The following FAM227B variants were observed in gnomAD, a reference collection of about 807,000 sequenced individuals.
FAM227B encodes the protein protein FAM227B.
A neutral mutation model predicts 73.8 loss-of-function variants in FAM227B; 88 were observed. The ratio of observed to expected loss-of-function variants is 1.19; its 90% confidence interval spans 1.00 to 1.42. The LOEUF is 1.42. FAM227B is among the 40% of genes most tolerant of loss of function. FAM227B has a pLI of 0.00. For synonymous variants in FAM227B, 210 were observed against 190.5 expected, an observed-to-expected ratio of 1.10 and a Z score of -0.84; for missense variants, 632 against 590.9, an observed-to-expected ratio of 1.07 and a Z score of -0.72.
intron 11 of FAM227B, among the ~76,000 whole-genome samples, chr15:49,383,882 T>C (rs1380841327): frequency 2.0e-5 from 3 of 152,176 alleles, no homozygotes; most frequent in Admixed American, 2.0e-4. Flanking sequence ...TGATGGGCCA[T>C]AGTTTTCTCT....
intron 9 of FAM227B, among the ~76,000 whole-genome samples, chr15:49,545,136 T>G (rs905632117): frequency 7.3e-6 from 1 of 136,678 alleles, no homozygotes; most frequent in Non-Finnish European, 1.6e-5. Flanking sequence ...ATCCTCAAAC[T>G]TTTTTTTGGC....
In FAM227B at chr15:49,367,471, T is replaced by C. The variant is rs201015191; in HGVS notation, c.1248A>G (p.Lys416=). The change falls in exon 13 of 16, where the codon AAA becomes AAG. Residue 416 remains lysine (K), a synonymous_variant. Transcript: ENST00000299338. ...ATGGTTCCTGGAATATCTTAGTGAG[T>C]TTAATCTTGGTTTTCTTAGGTGCTT... ...ISKAPKKTKI[K]LTKIFQEPLP... The C allele has an allele frequency of 1.6e-5, 26 of 1,594,204 alleles. No individual in the cohort carries two copies. The East Asian group carries it at 5.2e-4, about 32-fold the overall frequency.
intron 11 of FAM227B, among the ~76,000 whole-genome samples, chr15:49,507,899 T>G (rs886222168): frequency 6.6e-6 from 1 of 151,780 alleles, no homozygotes; most frequent in African/African-American, 2.4e-5. Context: ...ATAATTTAAA[T>G]GAACAAAATA....
intron 11 of FAM227B, among the ~76,000 whole-genome samples, chr15:49,456,560 C>A (rs1026900716): frequency 6.6e-6 from 1 of 152,042 alleles, no homozygotes; most frequent in Non-Finnish European, 1.5e-5. Flanking sequence ...TAAGACTATT[C>A]AAGAATTACT....
chr15:49,565,743 G>T (rs901005007), intron 9 of FAM227B, among the ~76,000 whole-genome samples: 1 of 152,010 alleles, frequency 6.6e-6, no homozygotes, highest in Non-Finnish European at 1.5e-5. Context: ...AAAGATCTTC[G>T]GTGGGGGTTA....
At chr15:49,575,496 T>C (rs756085294) in intron 7 of FAM227B, among the ~76,000 whole-genome samples, 5 of 152,238 alleles carry the variant, frequency 3.3e-5, no homozygotes, top group Non-Finnish European at 5.9e-5. Flanking sequence ...TTAGACTTCA[T>C]AGAATACATG....
intron 11 of FAM227B, among the ~76,000 whole-genome samples, chr15:49,447,390 CTAGT>C (rs1445340513): frequency 1.3e-5 from 2 of 151,522 alleles, no homozygotes; most frequent in Non-Finnish European, 3.0e-5. Flanking sequence ...GATCACAGAG[CTAGT>C]TAGTGATAGA....
chr15:49,477,805 G>A lies in FAM227B; in HGVS notation c.1012+30406C>T, dbSNP rs575701899. ...TTGCATTCCCACTAGTAATGAAAGA[G>A]TTTTGGTTGCTTTGCATCCTTGCCA... On this transcript the variant is annotated intron_variant, in intron 11 of 15. Coordinates refer to ENST00000299338, the MANE Select transcript of FAM227B (RefSeq NM_152647.3). Among the ~76,000 whole-genome samples the A allele has an allele frequency of 1.5e-4, 23 of 152,306 alleles. No homozygotes were observed. The South Asian group carries it at 3.7e-3, about 25-fold the overall frequency.
chr15:49,496,193 T>G (rs1385764366), intron 11 of FAM227B, among the ~76,000 whole-genome samples: 1 of 152,142 alleles, frequency 6.6e-6, no homozygotes, highest in Non-Finnish European at 1.5e-5. Flanking sequence ...TCTTTTTATT[T>G]TTTATCTCCT....
At chr15:49,505,065 G>T (rs1325170152) in intron 11 of FAM227B, among the ~76,000 whole-genome samples, 1 of 152,066 alleles carries the variant, frequency 6.6e-6, no homozygotes, top group Non-Finnish European at 1.5e-5. Flanking sequence ...CTACTATTCA[G>T]CAATACAAAG....
intron 11 of FAM227B, among the ~76,000 whole-genome samples, chr15:49,490,353 C>A (rs1266853836): frequency 6.6e-6 from 1 of 151,880 alleles, no homozygotes; most frequent in African/African-American, 2.4e-5. Flanking sequence ...AACAGAGCAG[C>A]CAAAGTGATT....
At chr15:49,339,990 G>A (rs1201546405) in intron 13 of FAM227B, among the ~76,000 whole-genome samples, 1 of 151,970 alleles carries the variant, frequency 6.6e-6, no homozygotes, top group Non-Finnish European at 1.5e-5. Context: ...AGGGTCCCAG[G>A]TTGAGCTCAG....
At chr15:49,519,212 G>A (rs2059605809) in intron 10 of FAM227B, among the ~76,000 whole-genome samples, 1 of 152,142 alleles carries the variant, frequency 6.6e-6, no homozygotes, top group African/African-American at 2.4e-5. Context: ...GGCTTTGCAG[G>A]GTACAGCTTC....
intron 3 of FAM227B, among the ~76,000 whole-genome samples, chr15:49,591,531 GC>G (rs1383557691): frequency 7.7e-6 from 1 of 129,772 alleles, no homozygotes; most frequent in Non-Finnish European, 1.6e-5. Context: ...TGTTGCCCAG[GC>G]TGGAGTGCAG....
In FAM227B at chr15:49,585,085, A is replaced by T. The variant is rs530233336; in HGVS notation, c.405+2931T>A. The stretch of plus-strand genomic sequence containing the variant: ...CATTTATGCAGCCAAAAAACACATG[A>T]AAAAATGCTCATCATCACTGGCCAT... On this transcript the variant is annotated intron_variant, in intron 5 of 15. Coordinates refer to ENST00000299338, the MANE Select transcript of FAM227B (RefSeq NM_152647.3). 3.9e-5 allele frequency among the ~76,000 whole-genome samples: 6 copies of T among 152,316 alleles called. 1 individual carries two copies. The South Asian group carries it at 1.2e-3, about 32-fold the overall frequency.
chr15:49,404,632 CTTTACT>C (rs2048393992), intron 11 of FAM227B, among the ~76,000 whole-genome samples: 2 of 151,736 alleles, frequency 1.3e-5, no homozygotes, highest in South Asian at 4.2e-4. Flanking sequence ...TTCTCCATCC[CTTTACT>C]TTAAGACTAT....
intron 13 of FAM227B, among the ~76,000 whole-genome samples, chr15:49,336,967 T>C (rs2039825321): frequency 6.6e-6 from 1 of 152,212 alleles, no homozygotes; most frequent in South Asian, 2.1e-4. Context: ...TTTGGTGTTA[T>C]TTACTTAGGA....
chr15:49,368,055 G>A (rs1294770875), intron 12 of FAM227B, among the ~76,000 whole-genome samples: 1 of 151,708 alleles, frequency 6.6e-6, no homozygotes, highest in Non-Finnish European at 1.5e-5. Flanking sequence ...AAGACAAGGA[G>A]AAAAACCTCA....
At chr15:49,333,890 A>G (rs1567089114) in intron 14 of FAM227B, among the ~76,000 whole-genome samples, 1 of 152,214 alleles carries the variant, frequency 6.6e-6, no homozygotes, top group Non-Finnish European at 1.5e-5. Context: ...TTATATGCAT[A>G]GAGGAAGAAG....
Sources: allele counts gnomAD v4.1 joint callset (sites outside exome capture counted in the v4.1 genomes callset), GRCh38; gene constraint gnomAD v4.1.1; transcripts MANE v1.5; gene names NCBI Gene and HGNC (gene_info 2026-07-23, HGNC 2026-07-21).